The following WDPCP variants were observed in gnomAD, a reference collection of about 807,000 sequenced individuals.
WDPCP encodes the protein WD repeat-containing and planar cell polarity effector protein fritz homolog.
In WDPCP, 71 loss-of-function variants were observed where a neutral mutation model predicts 93.1. The ratio of observed to expected loss-of-function variants is 0.76; its 90% CI spans 0.63 to 0.93. The LOEUF is 0.93. Among genes scored for constraint, WDPCP ranks in the 40% least tolerant of loss-of-function variants. The pLI, the probability that WDPCP is intolerant of heterozygous loss-of-function variation, is 0.00. For missense variants in WDPCP, 844 were observed against 887.4 expected (o/e 0.95, Z 0.62); for synonymous variants, 315 against 315.0 (o/e 1.00, Z 0.00).
intron 1 of WDPCP, among the ~76,000 whole-genome samples, chr2:63,542,170 A>G (rs1487770801): frequency 6.6e-6 from 1 of 152,152 alleles, no homozygotes; most frequent in Non-Finnish European, 1.5e-5. Flanking sequence ...TCTTGAGACT[A>G]TATGTATTAC....
intron 6 of WDPCP, chr2:63,440,875 G>A (rs1204815753): frequency 6.6e-6 from 1 of 152,510 alleles, no homozygotes; most frequent in African/African-American, 2.4e-5. Flanking sequence ...TAGGCATCAT[G>A]TCCCAGCTAG....
At chr2:63,597,312 A>G in intron 3 of WDPCP, 1 of 1,287,600 alleles carries the variant, frequency 7.8e-7, no homozygotes, top group Non-Finnish European at 9.9e-7. Flanking sequence ...AACAAGTGAA[A>G]GAATTAATGG....
chr2:63,617,435 T>C (rs1709684762), intron 3 of WDPCP, among the ~76,000 whole-genome samples: 1 of 152,118 alleles, frequency 6.6e-6, no homozygotes, highest in South Asian at 2.1e-4. Flanking sequence ...TAAACTGACA[T>C]AGATTAATAG....
intron 17 of WDPCP, among the ~76,000 whole-genome samples, chr2:63,134,323 C>T (rs539425728): frequency 2.0e-5 from 3 of 152,244 alleles, no homozygotes; most frequent in Admixed American, 6.5e-5. Context: ...TATGATTTAA[C>T]TCATATCCTT....
intron 1 of WDPCP, among the ~76,000 whole-genome samples, chr2:63,559,530 C>T (rs1382163269): frequency 6.6e-6 from 1 of 152,166 alleles, no homozygotes; most frequent in African/African-American, 2.4e-5. Context: ...AACCCCTTCA[C>T]CTCAGCCCAA....
chr2:63,764,932 T>C (rs1361572238), intron 2 of WDPCP, among the ~76,000 whole-genome samples: 4 of 152,100 alleles, frequency 2.6e-5, no homozygotes, highest in Non-Finnish European at 5.9e-5. Flanking sequence ...AAATAAAAAA[T>C]TGAAAATGGA....
At chr2:63,752,086 T>C in intron 2 of WDPCP, 1 of 604,444 alleles carries the variant, frequency 1.7e-6, no homozygotes, top group East Asian at 3.2e-5. Flanking sequence ...CACCTCTTGT[T>C]TTGGCAGGGC....
At chr2:63,442,022 CAG>C (rs1697535972) in intron 6 of WDPCP, 1 of 152,110 alleles carries the variant, frequency 6.6e-6, no homozygotes, top group Non-Finnish European at 1.5e-5. Context: ...TGGGTAGACT[CAG>C]AGTCTGACTG....
intron 2 of WDPCP, among the ~76,000 whole-genome samples, chr2:63,655,038 T>C (rs1710150516): frequency 6.6e-6 from 1 of 152,160 alleles, no homozygotes. Context: ...GACTAGAGAA[T>C]CACTCACAGA....
intron 15 of WDPCP, among the ~76,000 whole-genome samples, chr2:63,165,460 C>A (rs1266608520): frequency 6.6e-6 from 1 of 151,876 alleles, no homozygotes; most frequent in Non-Finnish European, 1.5e-5. Flanking sequence ...ATTGGCTTGT[C>A]ATTTTTCTGT....
At chr2:63,689,259 C>T (rs1668856506) in intron 2 of WDPCP, among the ~76,000 whole-genome samples, 1 of 152,088 alleles carries the variant, frequency 6.6e-6, no homozygotes, top group Non-Finnish European at 1.5e-5. Context: ...GTATTGTCAG[C>T]AACTAGTTTA....
At chr2:63,370,299 G>C (rs1484540738) in intron 12 of WDPCP, among the ~76,000 whole-genome samples, 1 of 151,998 alleles carries the variant, frequency 6.6e-6, no homozygotes, top group Non-Finnish European at 1.5e-5. Flanking sequence ...GGTTCTTCCA[G>C]TTAAAAGACT....
At chr2:63,600,731 C>T (rs1709402707) in intron 3 of WDPCP, among the ~76,000 whole-genome samples, 2 of 152,080 alleles carry the variant, frequency 1.3e-5, no homozygotes. Flanking sequence ...CAAATATTCC[C>T]TGAGAGGCTA....
In WDPCP at chr2:63,776,902, G is replaced by C. The variant is rs367948311; in HGVS notation, n.308+36720C>G. ...ATCTCACTCATACATAAAAAAAGTT[G>C]ATCTCATAGAAGTAGTGCATAGAAG... On this transcript the variant is annotated intron_variant and non_coding_transcript_variant, in intron 2 of 4. Transcript: ENST00000467687. 3.3e-5 allele frequency among the ~76,000 whole-genome samples: 5 copies of C among 152,154 alleles called. No individual in the cohort carries two copies. In the South Asian group the frequency reaches 8.3e-4, roughly 25 times the overall value.
chr2:63,317,305 A>G (rs1349833968), intron 12 of WDPCP, among the ~76,000 whole-genome samples: 2 of 151,668 alleles, frequency 1.3e-5, no homozygotes, highest in African/African-American at 2.4e-5. Flanking sequence ...CTACTTGGGA[A>G]GCTGAGGCAG....
chr2:63,209,468 C>A (rs549517392), intron 14 of WDPCP, among the ~76,000 whole-genome samples: 1 of 152,328 alleles, frequency 6.6e-6, no homozygotes, highest in Non-Finnish European at 1.5e-5. Context: ...GAGGACTGCA[C>A]AGAAATCACA....
At chr2:63,198,865 G>A (rs1675664540) in intron 14 of WDPCP, among the ~76,000 whole-genome samples, 1 of 152,142 alleles carries the variant, frequency 6.6e-6, no homozygotes, top group African/African-American at 2.4e-5. Context: ...CAGTTTGGAG[G>A]GCTCAGAAGA....
chr2:63,384,325 C>A (rs1484651818), intron 10 of WDPCP, among the ~76,000 whole-genome samples: 2 of 152,090 alleles, frequency 1.3e-5, no homozygotes. Flanking sequence ...CACTACAGAA[C>A]TACTGACATT....
chr2:63,304,481 T>C (rs1027544544), intron 13 of WDPCP, among the ~76,000 whole-genome samples: 2 of 151,820 alleles, frequency 1.3e-5, no homozygotes, highest in African/African-American at 4.8e-5. Context: ...GCACAAGGGG[T>C]CGGGGAACTC....
Sources: allele counts gnomAD v4.1 joint callset (sites outside exome capture counted in the v4.1 genomes callset), GRCh38; gene constraint gnomAD v4.1.1; transcripts MANE v1.5; gene names NCBI Gene and HGNC (gene_info 2026-07-23, HGNC 2026-07-21).